The following FAM204A variants were observed in gnomAD, a reference collection of about 807,000 sequenced individuals.
FAM204A encodes protein FAM204A.
A neutral mutation model predicts 35.4 loss-of-function variants in FAM204A; 16 were observed. The observed-to-expected ratio is 0.45, with a 90% confidence interval of 0.31 to 0.69. The LOEUF (loss-of-function observed/expected upper bound fraction) is 0.69, where lower values mean the gene tolerates loss of function less well. FAM204A is among the 30% of genes least tolerant of loss of function. FAM204A has a pLI of 0.07. For missense variants in FAM204A, 240 were observed against 265.7 expected, an observed-to-expected ratio of 0.90 and a Z score of 0.67; for synonymous variants, 76 against 86.9, an observed-to-expected ratio of 0.88 and a Z score of 0.70.
intron 7 of FAM204A, among the ~76,000 whole-genome samples, chr10:118,318,610 C>T (rs703436): frequency 0.95 from 145,074 of 152,082 alleles, 69,539 homozygotes; most frequent in East Asian, 1. Context: ...GAATACACCG[C>T]TCAGCTTTGT....
chr10:118,325,788 G>A (rs2133280816), intron 7 of FAM204A, among the ~76,000 whole-genome samples: 1 of 152,248 alleles, frequency 6.6e-6, no homozygotes, highest in South Asian at 2.1e-4. Context: ...AAAGGTTCAG[G>A]GATGTGGCCT....
chr10:118,337,970 C>G (rs953500568), intron 2 of FAM204A, among the ~76,000 whole-genome samples: 4 of 152,122 alleles, frequency 2.6e-5, no homozygotes, highest in Admixed American at 2.6e-4. Context: ...CAATCATTTG[C>G]TTCCTTGATA....
rs553076526 is a variant in FAM204A, at chr10:118,310,128, G to A, written c.*729C>T. 248 of 152,088 alleles carry A rather than the reference G, an allele frequency of 1.6e-3. 1 individual carries two copies. The highest frequency in any genetic ancestry group is 5.7e-3 in the African/African-American group (238 of 41,460). The allele number at this position is 152,088 out of a possible 1,614,324, so 9.4% of individuals were successfully genotyped here. A position where few individuals can be genotyped will look rare whatever the true frequency, so the allele number is the denominator to read the frequency against. ...TACGACTAATCCATTATAAACAACT[G>A]TCAGTCTTAAAAACACAGTTCCAGT... On this transcript the variant is annotated 3_prime_UTR_variant, in exon 9 of 9. Coordinates refer to ENST00000369183, the MANE Select transcript of FAM204A (RefSeq NM_022063.3).
chr10:118,298,703 T>C lies in FAM204A; in HGVS notation c.*12154A>G, dbSNP rs1327437705. 5 of 152,194 alleles carry C rather than the reference T, an allele frequency of 3.3e-5. No individual in the cohort carries two copies. The highest frequency in any genetic ancestry group is 7.3e-5 in the Non-Finnish European group (5 of 68,046). 9.4% of individuals were successfully genotyped at this position (152,194 alleles called of 1,614,324 possible). ...TATTGTTACGTCCACATTATTATTT[T>C]TGGCACTAGGAAACATGAGGACCAG... On this transcript the variant is annotated 3_prime_UTR_variant, in exon 9 of 9. Coordinates refer to ENST00000369183, the MANE Select transcript of FAM204A (RefSeq NM_022063.3).
intron 7 of FAM204A, among the ~76,000 whole-genome samples, chr10:118,324,123 T>G (rs1203023611): frequency 6.6e-6 from 1 of 152,086 alleles, no homozygotes; most frequent in African/African-American, 2.4e-5. Context: ...CCAAAATAGA[T>G]TAATAAAATG....
chr10:118,311,588 G>A, intron 7 of FAM204A: 2 of 299,622 alleles, frequency 6.7e-6, no homozygotes, highest in Non-Finnish European at 6.1e-6. Context: ...AGGTAGTAAT[G>A]AGGATCTTCA....
Position 118,304,269 on chromosome 10 carries a change from G to T in FAM204A, c.*6588C>A, listed in dbSNP as rs969286622. On this transcript the variant is annotated 3_prime_UTR_variant, in exon 9 of 9. Transcript: ENST00000369183. The stretch of plus-strand genomic sequence containing the variant: ...GAAGTGTCCATTTGACATTTCCATG[G>T]CATTCCACAGGTACCATGACACAAC... 6.6e-6 allele frequency: 1 copy of T among 152,044 alleles called. No individual in the cohort carries two copies. The highest frequency in any genetic ancestry group is 1.5e-5 in the Non-Finnish European group (1 of 68,004). The allele number at this position is 152,044 out of a possible 1,614,324, so 9.4% of individuals were successfully genotyped here.
rs769774970 is a variant in FAM204A, at chr10:118,336,330, C to A, written c.86G>T (p.Gly29Val). Reference sequence around the variant, plus strand: ...CTCTTTATCTTCCTGTAAGTTAAGTCCAGAGTTCTCCAACGTAGCTTCATC... The same window carrying A: ...CTCTTTATCTTCCTGTAAGTTAAGTACAGAGTTCTCCAACGTAGCTTCATC... ...SEDEATLENS[G>V]LNLQEDKEDE... is the part of the protein sequence containing the mutation. Residue 29 changes from glycine (G) to valine (V), a missense_variant, in exon 3 of 9, where the codon GGA (glycine) becomes GTA (valine). By Grantham distance (109) the Gly-to-Val change is moderately radical (BLOSUM62 -3). This residue lies in a region of FAM204A where 232 missense variants were observed against 242.8 expected (regional missense o/e 0.96). Coordinates refer to ENST00000369183, the MANE Select transcript of FAM204A (RefSeq NM_022063.3). 2 of 1,613,764 alleles carry A rather than the reference C, an allele frequency of 1.2e-6. No homozygotes were observed. The highest frequency in any genetic ancestry group is 1.7e-6 in the Non-Finnish European group (2 of 1,179,858).
intron 7 of FAM204A, among the ~76,000 whole-genome samples, chr10:118,315,360 CTG>C (rs1216654028): frequency 1.3e-5 from 2 of 152,154 alleles, no homozygotes; most frequent in Non-Finnish European, 2.9e-5. Context: ...TCTAGCATAA[CTG>C]TAAATTTCTT....
In FAM204A at chr10:118,336,227, A is replaced by G; in HGVS notation, c.189T>C (p.Asn63=). Residue 63 remains asparagine (N), a synonymous_variant, in exon 3 of 9, where the codon AAT becomes AAC. Coordinates refer to ENST00000369183, the MANE Select transcript of FAM204A (RefSeq NM_022063.3). ...TTCCAGAAGGACACTCTTCATAGGC[A>G]TTTACATTTGACTCTGTTTCAGTTT... ...EPKTETESNV[N]AYEECPSGIP... 1 of 1,613,900 alleles carries G rather than the reference A, an allele frequency of 6.2e-7. No individual in the cohort carries two copies. Among genetic ancestry groups the G allele is most frequent in the Non-Finnish European group, 8.5e-7 (1 of 1,179,808 alleles).
At chr10:118,311,683 C>T (rs1055177810) in intron 7 of FAM204A, among the ~76,000 whole-genome samples, 2 of 152,158 alleles carry the variant, frequency 1.3e-5, no homozygotes, top group Non-Finnish European at 1.5e-5. Context: ...AGTTTCTTTG[C>T]TCTGGGCTAG....
intron 6 of FAM204A, among the ~76,000 whole-genome samples, chr10:118,333,970 A>G (rs1436895487): frequency 1.3e-5 from 2 of 152,204 alleles, no homozygotes. Context: ...GCATCTGTCT[A>G]TTACACACAG....
intron 7 of FAM204A, among the ~76,000 whole-genome samples, chr10:118,322,640 G>A (rs1846136509): frequency 1.3e-5 from 2 of 152,030 alleles, no homozygotes; most frequent in Admixed American, 1.3e-4. Flanking sequence ...GGGAATTAGT[G>A]GGACAACTGG....
Position 118,303,851 on chromosome 10 carries a change from C to G in FAM204A, c.*7006G>C, listed in dbSNP as rs1481081214. On this transcript the variant is annotated 3_prime_UTR_variant, in exon 9 of 9. Coordinates refer to ENST00000369183, the MANE Select transcript of FAM204A (RefSeq NM_022063.3). ...AAAAAAACAGCTCCTTTGCCACAAG[C>G]AGAGTTCACAGAGCCCTCTTCCCCC... 6.5e-6 allele frequency: 1 copy of G among 152,704 alleles called. No individual in the cohort carries two copies. The highest frequency in any genetic ancestry group is 1.5e-5 in the Non-Finnish European group (1 of 68,554). The allele number at this position is 152,704 out of a possible 1,614,324, so 9.5% of individuals were successfully genotyped here.
chr10:118,335,477 C>G, intron 4 of FAM204A, 51 bp from the exon 5 acceptor site: 1 of 1,595,652 alleles, frequency 6.3e-7, no homozygotes, highest in Non-Finnish European at 8.5e-7. Context: ...ATTTCAAAAC[C>G]ATATTTTAAA....
rs546582286 is a variant in FAM204A, at chr10:118,302,122, T to C, written c.*8735A>G. On this transcript the variant is annotated 3_prime_UTR_variant, in exon 9 of 9. Coordinates refer to ENST00000369183, the MANE Select transcript of FAM204A (RefSeq NM_022063.3). ...GTGACACTGCAGAGTCTGCTTATTA[T>C]GTCTTTCCCTCTAGGATATGAGCCC... 6 of 152,400 alleles carry C rather than the reference T, an allele frequency of 3.9e-5. No homozygotes were observed. The highest frequency in any genetic ancestry group is 3.9e-4 in the East Asian group (2 of 5,184). The allele number at this position is 152,400 out of a possible 1,614,324, so 9.4% of individuals were successfully genotyped here. A position where few individuals can be genotyped will look rare whatever the true frequency, so the allele number is the denominator to read the frequency against.
Position 118,304,909 on chromosome 10 carries a change from G to A in FAM204A, c.*5948C>T, listed in dbSNP as rs1335582935. ...TGAGGCAATGTGGCAGATACTGCAA[G>A]CTATTTACTAAAATTTCTTTCCTCC... On this transcript the variant is annotated 3_prime_UTR_variant, in exon 9 of 9. Coordinates refer to ENST00000369183, the MANE Select transcript of FAM204A (RefSeq NM_022063.3). The A allele has an allele frequency of 2.0e-5, 3 of 152,240 alleles. No individual in the cohort carries two copies. Among genetic ancestry groups the A allele is most frequent in the African/African-American group, 7.2e-5 (3 of 41,460 alleles). 9.4% of individuals were successfully genotyped at this position (152,240 alleles called of 1,614,324 possible).
chr10:118,317,255 C>T (rs992341416), intron 7 of FAM204A, among the ~76,000 whole-genome samples: 3 of 152,052 alleles, frequency 2.0e-5, no homozygotes, highest in Non-Finnish European at 4.4e-5. Flanking sequence ...GAGCTAATTA[C>T]AAACAAATTA....
chr10:118,339,152 T>A (rs971839548), intron 2 of FAM204A, among the ~76,000 whole-genome samples: 34 of 152,282 alleles, frequency 2.2e-4, no homozygotes, highest in Non-Finnish European at 5.0e-4. Flanking sequence ...CCTGTGACTC[T>A]CAAAAAAACA....
Sources: allele counts gnomAD v4.1 joint callset (sites outside exome capture counted in the v4.1 genomes callset), GRCh38; gene constraint gnomAD v4.1.1; regional missense constraint gnomAD v4.1.1; transcripts MANE v1.5; gene names NCBI Gene and HGNC (gene_info 2026-07-23, HGNC 2026-07-21).